PUDP: variants seen among roughly 807,000 people sequenced by gnomAD.
The protein encoded by PUDP is pseudouridine-5'-phosphatase.
A neutral mutation model predicts 9.4 loss-of-function variants in PUDP; 8 were observed. The ratio of observed to expected loss-of-function variants is 0.85; its 90% confidence interval spans 0.50 to 1.53. The LOEUF (loss-of-function observed/expected upper bound fraction) is 1.53. Among genes scored for constraint, PUDP ranks in the 40% most tolerant of loss-of-function variants. PUDP has a pLI of 0.00. For missense variants in PUDP, 188 were observed against 189.7 expected, an observed-to-expected ratio of 0.99 and a Z score of 0.05; for synonymous variants, 99 against 80.7, an observed-to-expected ratio of 1.23 and a Z score of -1.22.
At chrX:7,130,378 C>CACAA (rs1932588227) in intron 1 of PUDP, among the ~76,000 whole-genome samples, 1 of 110,370 alleles carries the variant, frequency 9.1e-6, no homozygotes, top group South Asian at 4.0e-4. Flanking sequence ...ACTACACACA[C>CACAA]ACACACACAC....
chrX:6,901,076 G>A (rs900085439), intron 3 of PUDP, among the ~76,000 whole-genome samples: 1 of 111,254 alleles, frequency 9.0e-6, no homozygotes, highest in Admixed American at 9.6e-5. Context: ...GCGCCCGGCC[G>A]ACCAATTATT....
intron 3 of PUDP, among the ~76,000 whole-genome samples, chrX:6,932,300 C>T (rs973334759): frequency 1.8e-5 from 2 of 111,782 alleles, no homozygotes; most frequent in Admixed American, 9.5e-5. Flanking sequence ...TTGTTCTTGC[C>T]GGGAGGGCTT....
intron 3 of PUDP, among the ~76,000 whole-genome samples, chrX:6,756,973 G>A (rs1237608604): frequency 2.7e-5 from 3 of 112,252 alleles, no homozygotes; most frequent in African/African-American, 9.7e-5. Flanking sequence ...AAGGTATAGT[G>A]AGTTGCAAAA....
intron 3 of PUDP, among the ~76,000 whole-genome samples, chrX:6,926,185 T>C (rs759229878): frequency 2.7e-5 from 3 of 111,200 alleles, no homozygotes; most frequent in South Asian, 7.8e-4. Flanking sequence ...CTGGGTAGGG[T>C]CCTGCATAGG....
At chrX:6,715,932 G>T (rs1924593930) in intron 1 of PUDP, among the ~76,000 whole-genome samples, 1 of 111,364 alleles carries the variant, frequency 9.0e-6, no homozygotes, top group Non-Finnish European at 1.9e-5. Context: ...CCAGGTGAGA[G>T]GCCAGGGGTA....
intron 3 of PUDP, among the ~76,000 whole-genome samples, chrX:6,736,507 T>C (rs1025173923): frequency 4.5e-5 from 5 of 112,193 alleles, no homozygotes; most frequent in African/African-American, 1.6e-4. Flanking sequence ...ATTGCACATA[T>C]AGCCAAAGAA....
At chrX:6,835,548 TA>T (rs1328479544) in intron 3 of PUDP, among the ~76,000 whole-genome samples, 1 of 111,781 alleles carries the variant, frequency 8.9e-6, no homozygotes, top group African/African-American at 3.2e-5. Flanking sequence ...GAAATCTAGT[TA>T]AAATATAATA....
intron 3 of PUDP, among the ~76,000 whole-genome samples, chrX:6,784,112 G>A (rs1449452354): frequency 9.0e-6 from 1 of 111,471 alleles, no homozygotes; most frequent in Non-Finnish European, 1.9e-5. Flanking sequence ...ACAGCTGTCT[G>A]GGCATCTCTT....
intron 3 of PUDP, among the ~76,000 whole-genome samples, chrX:6,775,738 A>C (rs1017088496): frequency 9.1e-6 from 1 of 110,422 alleles, no homozygotes; most frequent in African/African-American, 3.3e-5. Flanking sequence ...TTATGAATGG[A>C]ATTAGTGTCC....
At chrX:6,905,711 G>A (rs763920236) in intron 3 of PUDP, among the ~76,000 whole-genome samples, 1 of 111,315 alleles carries the variant, frequency 9.0e-6, no homozygotes, top group South Asian at 3.8e-4. Flanking sequence ...CATATCAAAT[G>A]GCACACATAT....
At chrX:7,022,533 T>A (rs1173579716) in intron 1 of PUDP, among the ~76,000 whole-genome samples, 1 of 111,380 alleles carries the variant, frequency 9.0e-6, no homozygotes, top group African/African-American at 3.3e-5. Context: ...ATGGGAGCAG[T>A]CAAGACCAAA....
intron 3 of PUDP, among the ~76,000 whole-genome samples, chrX:6,765,209 G>A (rs1925270223): frequency 9.0e-6 from 1 of 111,264 alleles, no homozygotes; most frequent in Non-Finnish European, 1.9e-5. Context: ...GAGCCCAGGA[G>A]GCAAAGGTTG....
At chrX:7,066,375 T>C (rs1274072115) in intron 3 of PUDP, among the ~76,000 whole-genome samples, 1 of 111,470 alleles carries the variant, frequency 9.0e-6, no homozygotes, top group Non-Finnish European at 1.9e-5. Flanking sequence ...CCCCAGCATT[T>C]TGGCACCAGG....
chrX:6,812,561 C>G lies in PUDP; in HGVS notation c.*248-106095G>C, dbSNP rs1042248829. On this transcript the variant is annotated intron_variant and NMD_transcript_variant, in intron 3 of 3. Coordinates refer to the PUDP transcript ENST00000655425. ...TAAGAAAGTTTGAAGAGACATTACTCAAAGAAACGATTTTAATGTGATATT... is the reference window on the plus strand; with the variant it reads ...TAAGAAAGTTTGAAGAGACATTACTGAAAGAAACGATTTTAATGTGATATT... 2.7e-5 allele frequency among the ~76,000 whole-genome samples: 3 copies of G among 111,359 alleles called. No homozygotes were observed. The East Asian group carries it at 8.4e-4, about 31-fold the overall frequency.
intron 3 of PUDP, among the ~76,000 whole-genome samples, chrX:7,071,139 C>A (rs1407250486): frequency 2.7e-5 from 3 of 111,237 alleles, no homozygotes; most frequent in Non-Finnish European, 5.7e-5. Context: ...TTTTTTAAAT[C>A]TAGGAAAGAG....
At chrX:6,881,091 C>T (rs1344352119) in intron 3 of PUDP, among the ~76,000 whole-genome samples, 1 of 112,443 alleles carries the variant, frequency 8.9e-6, no homozygotes, top group Non-Finnish European at 1.9e-5. Context: ...CTGGGCTTTT[C>T]TCAGTAGTCA....
At chrX:6,865,161 C>G (rs1259694263) in intron 3 of PUDP, among the ~76,000 whole-genome samples, 1 of 111,502 alleles carries the variant, frequency 9.0e-6, no homozygotes, top group African/African-American at 3.3e-5. Context: ...TTATTTTTCA[C>G]TCTTATTATA....
At chrX:7,129,102 A>G (rs1932555833) in intron 1 of PUDP, among the ~76,000 whole-genome samples, 1 of 111,998 alleles carries the variant, frequency 8.9e-6, no homozygotes, top group African/African-American at 3.2e-5. Flanking sequence ...TCGGGCAACC[A>G]TTGCTTTGAA....
chrX:7,071,424 A>G (rs1405860239), intron 3 of PUDP, among the ~76,000 whole-genome samples: 1 of 111,253 alleles, frequency 9.0e-6, no homozygotes, highest in Admixed American at 9.6e-5. Flanking sequence ...AAGAATTTCC[A>G]GTGAGCTCAA....
Sources: allele counts gnomAD v4.1 joint callset (sites outside exome capture counted in the v4.1 genomes callset), GRCh38; gene constraint gnomAD v4.1.1; transcripts MANE v1.5; gene names NCBI Gene and HGNC (gene_info 2026-07-23, HGNC 2026-07-21).